DDX50: variants seen among roughly 807,000 people sequenced by gnomAD.
DDX50 encodes the protein DExD-box helicase 50, also known as ATP-dependent RNA helicase DDX50.
DDX50 carries 56 observed loss-of-function variants against 94.8 expected under a neutral mutation model. The ratio of observed to expected loss-of-function variants is 0.59; its 90% CI spans 0.48 to 0.74. The LOEUF (loss-of-function observed/expected upper bound fraction) is 0.74. DDX50 is among the 30% of genes least tolerant of loss of function. DDX50 has a pLI of 0.00. For missense variants in DDX50, 713 were observed against 881.2 expected (o/e 0.81, Z 2.42); for synonymous variants, 264 against 295.4 (o/e 0.89, Z 1.09).
At chr10:68,910,520 A>G (rs546668621) in intron 3 of DDX50, 138 bp downstream of exon 3, 265 of 604,488 alleles carry the variant, frequency 4.4e-4, no homozygotes, top group African/African-American at 1.3e-3. Context: ...CTCCTACCTC[A>G]GCCTGCTGAG....
intron 1 of DDX50, among the ~76,000 whole-genome samples, chr10:68,902,406 C>T (rs59174503): frequency 0.068 from 10,354 of 152,194 alleles, 1,130 homozygotes; most frequent in African/African-American, 0.23. Context: ...CAGAATCTAC[C>T]TCTCTGACCT....
At chr10:68,930,438 G>T (rs927417142) in intron 8 of DDX50, among the ~76,000 whole-genome samples, 1 of 152,042 alleles carries the variant, frequency 6.6e-6, no homozygotes, top group Non-Finnish European at 1.5e-5. Flanking sequence ...TCTTACACCA[G>T]TTGCAGAAGC....
Position 68,925,061 on chromosome 10 carries a change from A to ACGTAGAT in DDX50, c.1239+5081_1239+5087dup, listed in dbSNP as rs542885489. ...GTTCTTAGGACTAGCAAATTCCCCC[A>ACGTAGAT]CGTAGATACAAGAATTATCCTTCCC... On this transcript the variant is annotated intron_variant, in intron 8 of 14. Transcript: ENST00000373585. Among the ~76,000 whole-genome samples, 325 of 144,518 alleles carry ACGTAGAT rather than the reference A, an allele frequency of 2.2e-3. 1 individual carries two copies. Among genetic ancestry groups the ACGTAGAT allele is most frequent in the African/African-American group, 7.9e-3 (310 of 39,284 alleles). The allele number at this position is 144,518 out of a possible 152,430, so 94.8% of individuals were successfully genotyped here. A position where few individuals can be genotyped will look rare whatever the true frequency, so the allele number is the denominator to read the frequency against.
At chr10:68,937,583 A>C (rs1316131845) in intron 12 of DDX50, among the ~76,000 whole-genome samples, 1 of 117,496 alleles carries the variant, frequency 8.5e-6, no homozygotes, top group Non-Finnish European at 1.7e-5. Context: ...TAACTTTATA[A>C]GTTTTTTTTT....
At chr10:68,918,097 G>T (rs937134881) in intron 7 of DDX50, among the ~76,000 whole-genome samples, 1 of 151,884 alleles carries the variant, frequency 6.6e-6, no homozygotes, top group Non-Finnish European at 1.5e-5. Flanking sequence ...GCTAATTTTT[G>T]TATTTTTAGT....
chr10:68,924,667 T>TAAAA (rs35148481), intron 8 of DDX50, among the ~76,000 whole-genome samples: 2 of 150,642 alleles, frequency 1.3e-5, no homozygotes, highest in African/African-American at 4.9e-5. Flanking sequence ...GTAAAGCTGT[T>TAAAA]AAAAAAAAAA....
At position 68,913,373 on chromosome 10, in the gene DDX50, A is replaced by T. The variant is rs191904112; in HGVS notation, c.758-18A>T. ...AGTTTGAATTTTACATATTGGTGGCATTTCTCTCTTCTCACAGTTAATCAT... is the reference window on the plus strand; with the variant it reads ...AGTTTGAATTTTACATATTGGTGGCTTTTCTCTCTTCTCACAGTTAATCAT... On this transcript the variant is annotated intron_variant, in intron 5 of 14. Coordinates refer to ENST00000373585, the MANE Select transcript of DDX50 (RefSeq NM_024045.2). The T allele has an allele frequency of 8.1e-6, 13 of 1,606,176 alleles. No homozygotes were observed. The highest frequency in any genetic ancestry group is 1.0e-5 in the Non-Finnish European group (12 of 1,176,438).
chr10:68,914,062 C>G lies in DDX50; in HGVS notation c.947C>G (p.Ser316Cys). The change falls in exon 7 of 15, where the codon TCT (serine) becomes TGT (cysteine). Residue 316 changes from serine to cysteine, a missense_variant. Coordinates refer to ENST00000373585, the MANE Select transcript of DDX50 (RefSeq NM_024045.2). ...GAATTCTTTTTGTTTATTTAAGATT[C>G]TGAAGACAATCCTCAGACTTTACTT... is the stretch of plus-strand genomic sequence containing the variant. ...DIIHESYKTDSEDNPQTLLFS... is the reference protein window; with the variant it reads ...DIIHESYKTDCEDNPQTLLFS... 6.3e-6 allele frequency: 10 copies of G among 1,585,968 alleles called. No individual in the cohort carries two copies. Among genetic ancestry groups the G allele is most frequent in the Non-Finnish European group, 8.5e-6 (10 of 1,172,118 alleles).
At chr10:68,918,117 G>A (rs113072832) in intron 7 of DDX50, among the ~76,000 whole-genome samples, 14,459 of 151,852 alleles carry the variant, frequency 0.095, 764 homozygotes, top group Middle Eastern at 0.14. Flanking sequence ...TAGAGATGGC[G>A]TTTCACCACG....
In DDX50 at chr10:68,906,941, A is replaced by G. The variant is rs1363402213; in HGVS notation, c.318A>G (p.Lys106=). 6.2e-7 allele frequency: 1 copy of G among 1,600,826 alleles called. No homozygotes were observed. The highest frequency in any genetic ancestry group is 1.8e-5 in the Admixed American group (1 of 55,514). Residue 106 remains lysine (K), a synonymous_variant, in exon 2 of 15, where the codon AAA becomes AAG. Transcript: ENST00000373585. ...ATGGAGATATAGATGAATATGAAAA[A>G]AAATCAAAGCGAGTATCATCTTTAG... ...LPNGDIDEYE[K]KSKRVSSLDT...
In DDX50 at chr10:68,946,481, C is replaced by T. The variant is rs758508076; in HGVS notation, c.2065C>T (p.Arg689Trp). ...TGGCTGGTCAAGTGGTCGATCAGGC[C>T]GGTCAGGCCGGTCAGGTGGTCGATC... ...RSGWSSGRSG[R>W]SGRSGGRSGG... The change falls in exon 15 of 15, where the codon CGG becomes TGG. Residue 689 changes from arginine (R) to tryptophan (W), a missense_variant. Arg to Trp is a moderately radical substitution (Grantham distance 101). Around this residue, in one of 2 missense-constraint regions of DDX50, gnomAD observed 428 missense variants for 602.3 expected, o/e 0.71. Transcript: ENST00000373585. 1.4e-5 allele frequency: 23 copies of T among 1,613,794 alleles called. No individual in the cohort carries two copies. The highest frequency in any genetic ancestry group is 1.6e-4 in the Middle Eastern group (1 of 6,082).
At chr10:68,940,295 C>G (rs1439946221) in intron 12 of DDX50, among the ~76,000 whole-genome samples, 1 of 150,774 alleles carries the variant, frequency 6.6e-6, no homozygotes, top group Non-Finnish European at 1.5e-5. Context: ...GAGAAGACTG[C>G]TTGAGCCCAG....
In DDX50 at chr10:68,914,189, T is replaced by C. The variant is rs756101148; in HGVS notation, c.1074T>C (p.Ala358=). The change falls in exon 7 of 15, where the codon GCT becomes GCC. Residue 358 remains alanine, a synonymous_variant. Transcript: ENST00000373585. ...VDLVGKMTQK[A]ATTVEHLAIQ... ...TTGTTGGAAAAATGACTCAAAAGGC[T>C]GCAACTACTGTGGAAGTAAGTAGCT... 36 of 1,610,434 alleles carry C rather than the reference T, an allele frequency of 2.2e-5. No homozygotes were observed. The highest frequency in any genetic ancestry group is 3.1e-5 in the Non-Finnish European group (36 of 1,179,020).
intron 7 of DDX50, 106 bp downstream of exon 7, chr10:68,914,310 T>C (rs1307439331): frequency 1.6e-6 from 2 of 1,222,546 alleles, no homozygotes; most frequent in Admixed American, 4.6e-5. Context: ...TGCCTAATCT[T>C]CCTTTTCTGC....
chr10:68,929,015 C>T (rs1842162314), intron 8 of DDX50, among the ~76,000 whole-genome samples: 1 of 152,008 alleles, frequency 6.6e-6, no homozygotes, highest in African/African-American at 2.4e-5. Context: ...GTGGCGCGAT[C>T]TCGGCTCACT....
intron 12 of DDX50, among the ~76,000 whole-genome samples, chr10:68,938,488 C>T (rs1842477701): frequency 6.6e-6 from 1 of 152,118 alleles, no homozygotes. Flanking sequence ...AGTGAGCGAA[C>T]CTGGTCCTGG....
At chr10:68,923,886 T>C (rs1048425345) in intron 8 of DDX50, among the ~76,000 whole-genome samples, 1 of 151,702 alleles carries the variant, frequency 6.6e-6, no homozygotes, top group Admixed American at 6.6e-5. Flanking sequence ...ATGCTTTTAT[T>C]TGTTTTGTGG....
At chr10:68,943,424 G>A (rs747233325) in intron 14 of DDX50, among the ~76,000 whole-genome samples, 167 bp downstream of exon 14, 1 of 152,036 alleles carries the variant, frequency 6.6e-6, no homozygotes, top group Non-Finnish European at 1.5e-5. Context: ...TTTTTAAAGA[G>A]ATGGAGTCTC....
chr10:68,906,956 A>G lies in DDX50; in HGVS notation c.333A>G (p.Val111=), dbSNP rs149620114. 5.5e-4 allele frequency: 878 copies of G among 1,599,438 alleles called. 16 individuals are homozygous for G. In the East Asian group the frequency reaches 0.019, roughly 35 times the overall value. ...AATATGAAAAAAAATCAAAGCGAGTATCATCTTTAGATACTTCTACTCATA... is the reference window on the plus strand; with the variant it reads ...AATATGAAAAAAAATCAAAGCGAGTGTCATCTTTAGATACTTCTACTCATA... The part of the protein sequence containing the change: ...IDEYEKKSKR[V]SSLDTSTHKS... Residue 111 remains valine, a synonymous_variant, in exon 2 of 15, where the codon GTA becomes GTG. Transcript: ENST00000373585.
Sources: gnomAD v4.1 joint callset for allele counts (sites outside exome capture counted in the v4.1 genomes callset) on GRCh38, gnomAD v4.1.1 for gene constraint, gnomAD v4.1.1 regional missense constraint, MANE v1.5 for transcripts, NCBI Gene and HGNC (gene_info 2026-07-23, HGNC 2026-07-21) for gene names.